Variants in GABRB3 observed in about 807,000 individuals in gnomAD.
GABRB3 encodes the protein gamma-aminobutyric acid receptor subunit beta-3.
Under a neutral mutation model 52.1 loss-of-function variants are expected in GABRB3, and 14 were observed. The observed-to-expected ratio is 0.27, with a 90% confidence interval of 0.18 to 0.42. The LOEUF (loss-of-function observed/expected upper bound fraction) is 0.42, where lower values mean the gene tolerates loss of function less well. Among genes scored for constraint, GABRB3 ranks in the 10% least tolerant of loss-of-function variants. The pLI, the probability that GABRB3 is intolerant of heterozygous loss-of-function variation, is 1.00. For synonymous variants in GABRB3, 260 were observed against 232.3 expected, an observed-to-expected ratio of 1.12 and a Z score of -1.08; for missense variants, 307 against 609.1, an observed-to-expected ratio of 0.50 and a Z score of 5.22.
chr15:26,760,498 G>A (rs981517238), intron 3 of GABRB3, among the ~76,000 whole-genome samples: 1 of 152,152 alleles, frequency 6.6e-6, no homozygotes, highest in African/African-American at 2.4e-5. Context: ...ATACCCTGAA[G>A]TATGGAGGAA....
At chr15:26,576,683 GCAGTTT>G (rs776585891) in intron 6 of GABRB3, among the ~76,000 whole-genome samples, 7 of 152,152 alleles carry the variant, frequency 4.6e-5, no homozygotes, top group Non-Finnish European at 1.0e-4. Context: ...TCAGATACCT[GCAGTTT>G]TCATAAGGGA....
intron 3 of GABRB3, among the ~76,000 whole-genome samples, chr15:26,768,931 C>T (rs1891069670): frequency 6.6e-6 from 1 of 152,146 alleles, no homozygotes; most frequent in Non-Finnish European, 1.5e-5. Context: ...ATTCAAATCC[C>T]TTCCTAGATT....
intron 4 of GABRB3, among the ~76,000 whole-genome samples, chr15:26,595,739 T>G (rs2140768704): frequency 6.6e-6 from 1 of 152,294 alleles, no homozygotes; most frequent in East Asian, 1.9e-4. Context: ...AGATTTCTAC[T>G]TTTTCTACTG....
chr15:26,738,743 G>C (rs1187640208), intron 3 of GABRB3, among the ~76,000 whole-genome samples: 1 of 152,120 alleles, frequency 6.6e-6, no homozygotes, highest in Non-Finnish European at 1.5e-5. Context: ...CAGGAGAGAG[G>C]CTCAGTCTCA....
At chr15:26,682,214 C>A (rs187370961) in intron 3 of GABRB3, among the ~76,000 whole-genome samples, 52 of 152,250 alleles carry the variant, frequency 3.4e-4, no homozygotes, top group African/African-American at 1.0e-3. Context: ...ACTCTACTTT[C>A]CCCTTCACAT....
At chr15:26,702,967 G>A (rs977739774) in intron 3 of GABRB3, among the ~76,000 whole-genome samples, 2 of 152,238 alleles carry the variant, frequency 1.3e-5, no homozygotes, top group Non-Finnish European at 2.9e-5. Context: ...GTCTGGTTAA[G>A]GGCCCTCTTC....
At chr15:26,659,967 C>T (rs1887488202) in intron 3 of GABRB3, among the ~76,000 whole-genome samples, 1 of 152,150 alleles carries the variant, frequency 6.6e-6, no homozygotes, top group African/African-American at 2.4e-5. Flanking sequence ...CGTGGTGGTT[C>T]ACACCCGCAA....
chr15:26,613,273 T>C (rs530047970), intron 4 of GABRB3: 2 of 152,228 alleles, frequency 1.3e-5, no homozygotes, highest in South Asian at 2.1e-4. Context: ...TAGTCAGACA[T>C]GGTAGTGCAC....
chr15:26,641,893 C>CA lies in GABRB3; in HGVS notation c.241-20360_241-20359insT, dbSNP rs1555373468. Among the ~76,000 whole-genome samples, 5 of 144,822 alleles carry CA rather than the reference C, an allele frequency of 3.5e-5. No homozygotes were observed. The East Asian group carries it at 1.0e-3, about 29-fold the overall frequency. Reference sequence around the variant, plus strand: ...GATTGTTTTACTTTTTCTTCTCTTTCTTTTTTTTTTTTTAGAGACAAGGTC... The same window carrying CA: ...GATTGTTTTACTTTTTCTTCTCTTTCATTTTTTTTTTTTTAGAGACAAGGTC... On this transcript the variant is annotated intron_variant, in intron 3 of 8. Transcript: ENST00000311550.
chr15:26,619,444 T>C (rs534969862), intron 4 of GABRB3, among the ~76,000 whole-genome samples: 4 of 143,928 alleles, frequency 2.8e-5, no homozygotes, highest in South Asian at 2.2e-4. Flanking sequence ...CGCATATTCT[T>C]ACTCACAGGT....
intron 3 of GABRB3, among the ~76,000 whole-genome samples, chr15:26,674,233 C>T (rs548710719): frequency 6.6e-6 from 1 of 151,360 alleles, no homozygotes; most frequent in Non-Finnish European, 1.5e-5. Context: ...AAAACACTGT[C>T]TCTACTAAAA....
At chr15:26,763,993 T>A (rs1444531702) in intron 3 of GABRB3, among the ~76,000 whole-genome samples, 1 of 150,306 alleles carries the variant, frequency 6.7e-6, no homozygotes, top group African/African-American at 2.5e-5. Flanking sequence ...TAAAAATAAA[T>A]TTAAAAATTA....
chr15:26,720,747 G>A (rs1889622049), intron 3 of GABRB3, among the ~76,000 whole-genome samples: 1 of 152,110 alleles, frequency 6.6e-6, no homozygotes, highest in African/African-American at 2.4e-5. Context: ...TACTTCAAAA[G>A]GGAGGAAGAT....
intron 4 of GABRB3, among the ~76,000 whole-genome samples, chr15:26,594,783 T>G (rs1032071634): frequency 6.6e-6 from 1 of 152,182 alleles, no homozygotes; most frequent in African/African-American, 2.4e-5. Flanking sequence ...CCTAAAGCAC[T>G]AAGATTACAC....
At position 26,772,995 on chromosome 15, in the gene GABRB3, C is replaced by G; in HGVS notation, c.-33G>C. On this transcript the variant is annotated 5_prime_UTR_variant, in exon 1 of 9. Coordinates refer to ENST00000311550, the MANE Select transcript of GABRB3 (RefSeq NM_000814.6). Reference sequence around the variant, plus strand: ...CCGCGCCCCGGCACGGGGGAGGGGGCGCCCCGCCGCCGTCGCGACCCGCAG... The same window carrying G: ...CCGCGCCCCGGCACGGGGGAGGGGGGGCCCCGCCGCCGTCGCGACCCGCAG... 1 of 1,335,536 alleles carries G rather than the reference C, an allele frequency of 7.5e-7. No homozygotes were observed. The highest frequency in any genetic ancestry group is 9.7e-7 in the Non-Finnish European group (1 of 1,032,996). 82.7% of individuals were successfully genotyped at this position (1,335,536 alleles called of 1,614,324 possible).
At chr15:26,748,249 T>C (rs1292826029) in intron 3 of GABRB3, among the ~76,000 whole-genome samples, 2 of 152,136 alleles carry the variant, frequency 1.3e-5, no homozygotes, top group Non-Finnish European at 2.9e-5. Context: ...TGGGAATGGT[T>C]CCCTCCTCTT....
At chr15:26,736,699 C>T (rs7179279) in intron 3 of GABRB3, among the ~76,000 whole-genome samples, 1 of 152,148 alleles carries the variant, frequency 6.6e-6, no homozygotes, top group South Asian at 2.1e-4. Flanking sequence ...AGCTTTGTGA[C>T]CTAAGAAAGG....
rs3751582 is a variant in GABRB3, at chr15:26,560,917, T to C, written c.1080+15A>G. On this transcript the variant is annotated intron_variant, in intron 8 of 8. Transcript: ENST00000311550. ...CTGCAGGGACCAGGTGGGGTCAAGG[T>C]GGTGGAGAGCCTACCCGGTTGCTTT... 489,272 of 1,612,842 alleles carry C rather than the reference T, an allele frequency of 0.3. 82,503 individuals carry two copies. Among genetic ancestry groups the C allele is most frequent in the East Asian group, 0.77 (34,641 of 44,844 alleles).
At chr15:26,731,065 T>G (rs932899602) in intron 3 of GABRB3, among the ~76,000 whole-genome samples, 2 of 83,330 alleles carry the variant, frequency 2.4e-5, no homozygotes, top group African/African-American at 2.1e-4. Flanking sequence ...TCTCACTCGC[T>G]CTCGCTCTCT....
Sources: allele counts gnomAD v4.1 joint callset (sites outside exome capture counted in the v4.1 genomes callset), GRCh38; gene constraint gnomAD v4.1.1; transcripts MANE v1.5; gene names NCBI Gene and HGNC (gene_info 2026-07-23, HGNC 2026-07-21).